Variants in NMNAT2 observed in about 807,000 individuals in gnomAD.
The protein encoded by NMNAT2 is nicotinamide nucleotide adenylyltransferase 2.
Under a neutral mutation model 41.6 loss-of-function variants are expected in NMNAT2, and 11 were observed. The ratio of observed to expected loss-of-function variants is 0.26; its 90% CI spans 0.17 to 0.44. NMNAT2 has a LOEUF of 0.44. Among genes scored for constraint, NMNAT2 ranks in the 20% least tolerant of loss-of-function variants. The pLI is 1.00. For missense variants in NMNAT2, 288 were observed against 407.7 expected, an observed-to-expected ratio of 0.71 and a Z score of 2.53; for synonymous variants, 148 against 151.2, an observed-to-expected ratio of 0.98 and a Z score of 0.16.
chr1:183,395,842 T>C (rs1380933890), intron 1 of NMNAT2, among the ~76,000 whole-genome samples: 1 of 152,216 alleles, frequency 6.6e-6, no homozygotes, highest in Admixed American at 6.5e-5. Context: ...TTCATATTTG[T>C]ATCTGTCTAT....
chr1:183,262,138 C>A (rs1334350460), intron 8 of NMNAT2, among the ~76,000 whole-genome samples: 1 of 151,690 alleles, frequency 6.6e-6, no homozygotes, highest in Non-Finnish European at 1.5e-5. Flanking sequence ...GCTATGTTGC[C>A]CAGGCTGGTC....
At chr1:183,302,567 G>A (rs1189564043) in intron 1 of NMNAT2, among the ~76,000 whole-genome samples, 2 of 152,104 alleles carry the variant, frequency 1.3e-5, no homozygotes, top group Admixed American at 6.5e-5. Context: ...ACTGGCCCTT[G>A]AGCACACTTT....
chr1:183,283,895 G>C, intron 7 of NMNAT2, 100 bp downstream of exon 7: 1 of 1,144,528 alleles, frequency 8.7e-7, no homozygotes, highest in Non-Finnish European at 1.3e-6. Context: ...CTGCAAAACA[G>C]TCCCTGGGTT....
At chr1:183,300,769 G>A (rs552305396) in intron 1 of NMNAT2, among the ~76,000 whole-genome samples, 17 of 152,332 alleles carry the variant, frequency 1.1e-4, no homozygotes, top group Admixed American at 5.2e-4. Flanking sequence ...GCAGTGGCAA[G>A]CAAGCTGGAG....
At chr1:183,342,713 C>T (rs1368129948) in intron 1 of NMNAT2, among the ~76,000 whole-genome samples, 1 of 152,016 alleles carries the variant, frequency 6.6e-6, no homozygotes, top group Non-Finnish European at 1.5e-5. Context: ...ACTCTAAAGT[C>T]ATCTCAAACT....
intron 1 of NMNAT2, among the ~76,000 whole-genome samples, chr1:183,313,075 C>G: frequency 6.6e-6 from 1 of 152,140 alleles, no homozygotes; most frequent in East Asian, 1.9e-4. Context: ...ATTTCTCTCT[C>G]CCACTGCCAG....
intron 1 of NMNAT2, chr1:183,304,604 G>A: frequency 7.0e-7 from 1 of 1,436,696 alleles, no homozygotes; most frequent in Non-Finnish European, 9.8e-7. Context: ...CTGTTTTCTT[G>A]ACCATCTGCA....
At chr1:183,332,122 G>A (rs1662599608) in intron 1 of NMNAT2, among the ~76,000 whole-genome samples, 1 of 152,172 alleles carries the variant, frequency 6.6e-6, no homozygotes, top group Non-Finnish European at 1.5e-5. Context: ...TATCAAACCT[G>A]TGTCCTCAGA....
intron 8 of NMNAT2, 69 bp from the exon 9 acceptor site, chr1:183,261,372 C>A: frequency 1.6e-6 from 2 of 1,285,320 alleles, no homozygotes; most frequent in Non-Finnish European, 2.2e-6. Flanking sequence ...AACTACTTAG[C>A]ATGGCAGAAT....
intron 1 of NMNAT2, among the ~76,000 whole-genome samples, chr1:183,315,873 C>A (rs1253477549): frequency 6.6e-6 from 1 of 150,746 alleles, no homozygotes; most frequent in African/African-American, 2.4e-5. Context: ...ATGTAATAAA[C>A]CTGCACTTTC....
chr1:183,370,515 C>A (rs531869093), intron 1 of NMNAT2, among the ~76,000 whole-genome samples: 36 of 152,134 alleles, frequency 2.4e-4, no homozygotes, highest in African/African-American at 7.7e-4. Context: ...AACTCCTGTC[C>A]CACTTCTCCA....
chr1:183,317,228 C>T (rs1393317198), intron 1 of NMNAT2, among the ~76,000 whole-genome samples: 3 of 152,186 alleles, frequency 2.0e-5, no homozygotes, highest in Non-Finnish European at 1.5e-5. Flanking sequence ...CAGTTTCATC[C>T]CCCCGTATTT....
At chr1:183,383,730 T>C (rs139242987) in intron 1 of NMNAT2, among the ~76,000 whole-genome samples, 37 of 152,328 alleles carry the variant, frequency 2.4e-4, no homozygotes, top group African/African-American at 8.9e-4. Context: ...AGAAGTTACC[T>C]TTGCTCCAGT....
chr1:183,346,662 G>A (rs1240283343), intron 1 of NMNAT2, among the ~76,000 whole-genome samples: 7 of 152,138 alleles, frequency 4.6e-5, no homozygotes, highest in African/African-American at 9.7e-5. Flanking sequence ...ACTTTGAAAC[G>A]ACCAACCTTC....
intron 1 of NMNAT2, among the ~76,000 whole-genome samples, chr1:183,386,953 C>T (rs1226973282): frequency 6.6e-6 from 1 of 151,948 alleles, no homozygotes; most frequent in Non-Finnish European, 1.5e-5. Context: ...CTCTGGAAAA[C>T]TATTAAAAAA....
chr1:183,287,999 G>A (rs1328756053), intron 4 of NMNAT2, among the ~76,000 whole-genome samples: 3 of 152,170 alleles, frequency 2.0e-5, no homozygotes, highest in South Asian at 2.1e-4. Flanking sequence ...TGGGTACCAC[G>A]GGATCTTTTC....
intron 1 of NMNAT2, among the ~76,000 whole-genome samples, chr1:183,411,753 A>G (rs1173419474): frequency 6.6e-6 from 1 of 152,186 alleles, no homozygotes; most frequent in African/African-American, 2.4e-5. Flanking sequence ...AGAAAACAAG[A>G]AATAACATGC....
chr1:183,270,543 A>AAG (rs1181735954), intron 8 of NMNAT2, among the ~76,000 whole-genome samples: 2 of 151,070 alleles, frequency 1.3e-5, no homozygotes, highest in Non-Finnish European at 1.5e-5. Flanking sequence ...AAAAAAAAAA[A>AAG]AGAGAGAGAA....
intron 10 of NMNAT2, among the ~76,000 whole-genome samples, chr1:183,259,486 G>A (rs1660602648): frequency 6.6e-6 from 1 of 152,202 alleles, no homozygotes; most frequent in Admixed American, 6.5e-5. Flanking sequence ...ACCACTGCCG[G>A]TGGTCCAGTG....
Sources: gnomAD v4.1 joint callset for allele counts (sites outside exome capture counted in the v4.1 genomes callset) on GRCh38, gnomAD v4.1.1 for gene constraint, MANE v1.5 for transcripts, NCBI Gene and HGNC (gene_info 2026-07-23, HGNC 2026-07-21) for gene names.